Variants in PCDHA8 observed in about 807,000 individuals in gnomAD.
PCDHA8 encodes the protein protocadherin alpha 8.
PCDHA8 carries 53 observed loss-of-function variants against 61.8 expected under a neutral mutation model. The ratio of observed to expected loss-of-function variants is 0.86; its 90% confidence interval spans 0.69 to 1.08. PCDHA8 has a LOEUF of 1.08. Among genes scored for constraint, PCDHA8 ranks in the 50% least tolerant of loss-of-function variants. PCDHA8 has a pLI of 0.00. For missense variants in PCDHA8, 1,293 were observed against 1,245.0 expected (o/e 1.04, Z -0.58); for synonymous variants, 618 against 556.6 (o/e 1.11, Z -1.55).
intron 1 of PCDHA8, chr5:140,878,103 GA>G (rs748975221): frequency 2.9e-4 from 75 of 261,846 alleles, no homozygotes; most frequent in African/African-American, 1.3e-3. Context: ...GATGAACCTT[GA>G]AAAAAACAGT....
intron 1 of PCDHA8, among the ~76,000 whole-genome samples, chr5:140,963,905 G>A (rs1326633249): frequency 6.6e-6 from 1 of 152,182 alleles, no homozygotes; most frequent in African/African-American, 2.4e-5. Flanking sequence ...TGAGTAAAGT[G>A]AAGCTTAGGC....
At chr5:140,967,792 A>C (rs371669028) in intron 1 of PCDHA8, 5 of 1,614,212 alleles carry the variant, frequency 3.1e-6, no homozygotes, top group Non-Finnish European at 4.2e-6. Flanking sequence ...ACCGGGGTCC[A>C]GTGCCCATGG....
intron 1 of PCDHA8, among the ~76,000 whole-genome samples, chr5:140,939,959 G>A (rs1272327380): frequency 6.6e-6 from 1 of 152,150 alleles, no homozygotes; most frequent in Non-Finnish European, 1.5e-5. Flanking sequence ...TTATGTTAAA[G>A]TGTTCCACGA....
intron 1 of PCDHA8, among the ~76,000 whole-genome samples, chr5:140,964,997 T>C (rs144251011): frequency 3.9e-5 from 6 of 152,316 alleles, no homozygotes; most frequent in African/African-American, 1.4e-4. Context: ...CTTTGAATTC[T>C]GGGTGTCAGG....
Position 140,843,097 on chromosome 5 carries a change from G to T in PCDHA8, c.1776G>T (p.Ala592=). ...PRSVGAGHVV[A]KVRAVDADSG... is the part of the protein sequence containing the mutation. Reference sequence around the variant, plus strand: ...CTGTGGGCGCGGGCCACGTGGTAGCGAAGGTGCGCGCAGTGGACGCCGACT... The same window carrying T: ...CTGTGGGCGCGGGCCACGTGGTAGCTAAGGTGCGCGCAGTGGACGCCGACT... The change falls in exon 1 of 4, where the codon GCG becomes GCT. Residue 592 remains alanine, a synonymous_variant. Coordinates refer to ENST00000531613, the MANE Select transcript of PCDHA8 (RefSeq NM_018911.3). 6.3e-7 allele frequency: 1 copy of T among 1,595,704 alleles called. No individual in the cohort carries two copies. Among genetic ancestry groups the T allele is most frequent in the South Asian group, 1.1e-5 (1 of 90,506 alleles).
chr5:140,960,111 A>G (rs1554224465), intron 1 of PCDHA8, among the ~76,000 whole-genome samples: 1 of 152,256 alleles, frequency 6.6e-6, no homozygotes, highest in African/African-American at 2.4e-5. Flanking sequence ...TGTGGGAACA[A>G]TAGTATTCCT....
At chr5:140,973,276 C>G (rs1416819589) in intron 1 of PCDHA8, among the ~76,000 whole-genome samples, 1 of 152,132 alleles carries the variant, frequency 6.6e-6, no homozygotes, top group African/African-American at 2.4e-5. Context: ...TTTATTTCCC[C>G]CAGCACTGAT....
At chr5:140,971,728 C>A (rs1221096186) in intron 1 of PCDHA8, among the ~76,000 whole-genome samples, 2 of 151,550 alleles carry the variant, frequency 1.3e-5, no homozygotes, top group African/African-American at 2.4e-5. Flanking sequence ...GTATATCATA[C>A]ATATACACAT....
chr5:140,926,065 G>A (rs1302106382), intron 1 of PCDHA8, among the ~76,000 whole-genome samples: 3 of 152,176 alleles, frequency 2.0e-5, no homozygotes, highest in Non-Finnish European at 2.9e-5. Context: ...TCCCCTCCTT[G>A]TCGTCTCTAT....
At position 140,877,134 on chromosome 5, in the gene PCDHA8, C is replaced by A. The variant is rs1339173132; in HGVS notation, c.2394+33419C>A. 17 of 1,613,712 alleles carry A rather than the reference C, an allele frequency of 1.1e-5. No homozygotes were observed. Among genetic ancestry groups the A allele is most frequent in the Admixed American group, 6.7e-5 (4 of 60,000 alleles). ...GCAGCAACGTGACGCTGCAGGTGTTCGTGCTGGACGAGAACGACAACGCGC... is the reference window on the plus strand; with the variant it reads ...GCAGCAACGTGACGCTGCAGGTGTTAGTGCTGGACGAGAACGACAACGCGC... On this transcript the variant is annotated intron_variant, in intron 1 of 3. Transcript: ENST00000531613.
intron 1 of PCDHA8, among the ~76,000 whole-genome samples, chr5:140,875,022 C>T (rs1267699693): frequency 6.6e-6 from 1 of 152,116 alleles, no homozygotes; most frequent in Non-Finnish European, 1.5e-5. Context: ...TAGGTTCTGG[C>T]CTACTGTATT....
chr5:140,949,630 T>C (rs549897729), intron 1 of PCDHA8, among the ~76,000 whole-genome samples: 2 of 152,016 alleles, frequency 1.3e-5, no homozygotes, highest in South Asian at 4.1e-4. Flanking sequence ...TTTCATGGCA[T>C]ATTGCTTTTT....
intron 2 of PCDHA8, among the ~76,000 whole-genome samples, chr5:140,979,622 T>C (rs1300997272): frequency 6.6e-6 from 1 of 152,246 alleles, no homozygotes; most frequent in Non-Finnish European, 1.5e-5. Flanking sequence ...GGTATTAGTC[T>C]AAGACTCAGA....
Position 140,843,523 on chromosome 5 carries a change from G to A in PCDHA8, c.2202G>A (p.Ala734=), listed in dbSNP as rs200202372. ...SALPTEGGCR[A]GKPTLVCSSA... ...TGCCCACTGAGGGCGGGTGCCGGGCGGGCAAGCCCACTCTGGTGTGCTCCA... is the reference window on the plus strand; with the variant it reads ...TGCCCACTGAGGGCGGGTGCCGGGCAGGCAAGCCCACTCTGGTGTGCTCCA... Residue 734 remains alanine (A), a synonymous_variant, in exon 1 of 4, where the codon GCG becomes GCA. Coordinates refer to ENST00000531613, the MANE Select transcript of PCDHA8 (RefSeq NM_018911.3). 1.7e-4 allele frequency: 278 copies of A among 1,595,788 alleles called. 33 individuals carry two copies. The highest frequency in any genetic ancestry group is 2.3e-4 in the Non-Finnish European group (265 of 1,165,554).
intron 1 of PCDHA8, chr5:140,870,222 G>A: frequency 6.2e-7 from 1 of 1,614,180 alleles, no homozygotes; most frequent in African/African-American, 1.3e-5. Flanking sequence ...TGATCAGCGT[G>A]TCTGACCGTG....
intron 3 of PCDHA8, among the ~76,000 whole-genome samples, chr5:141,002,792 A>G (rs576285489): frequency 6.6e-6 from 1 of 152,306 alleles, no homozygotes; most frequent in South Asian, 2.1e-4. Context: ...CATTTTATGG[A>G]TGAGGAAACT....
chr5:140,990,649 T>C (rs1465284882), intron 3 of PCDHA8, among the ~76,000 whole-genome samples: 1 of 152,212 alleles, frequency 6.6e-6, no homozygotes, highest in African/African-American at 2.4e-5. Context: ...TCAGCCAGTA[T>C]GAATGATTTA....
At chr5:140,941,214 C>CCTTTCTTTCTTCCTTTCTTT (rs2092876516) in intron 1 of PCDHA8, among the ~76,000 whole-genome samples, 18 of 122,412 alleles carry the variant, frequency 1.5e-4, no homozygotes, top group Non-Finnish European at 2.9e-4. Context: ...TTTCTTTCTT[C>CCTTTCTTTCTTCCTTTCTTT]CTTTCTTTCT....
At chr5:140,856,734 T>C in intron 1 of PCDHA8, 1 of 1,596,648 alleles carries the variant, frequency 6.3e-7, no homozygotes. Context: ...TCTCTGCTGA[T>C]CCTGGTGTTA....
Sources: allele counts gnomAD v4.1 joint callset (sites outside exome capture counted in the v4.1 genomes callset), GRCh38; gene constraint gnomAD v4.1.1; transcripts MANE v1.5; gene names NCBI Gene and HGNC (gene_info 2026-07-23, HGNC 2026-07-21).